TNNI3K: variants seen among roughly 807,000 people sequenced by gnomAD.
TNNI3K encodes the protein serine/threonine-protein kinase TNNI3K.
In TNNI3K, 140 loss-of-function variants were observed where a neutral mutation model predicts 114.5. The ratio of observed to expected loss-of-function variants is 1.22; its 90% CI spans 1.07 to 1.41. The LOEUF (loss-of-function observed/expected upper bound fraction) is 1.41, where lower values mean the gene tolerates loss of function less well. Among genes scored for constraint, TNNI3K ranks in the 40% most tolerant of loss-of-function variants. TNNI3K has a pLI of 0.00. For missense variants in TNNI3K, 1,125 were observed against 1,007.6 expected (o/e 1.12, Z -1.58); for synonymous variants, 347 against 347.5 (o/e 1.00, Z 0.02).
intron 11 of TNNI3K, among the ~76,000 whole-genome samples, chr1:74,363,353 C>G (rs1230241386): frequency 6.6e-6 from 1 of 152,002 alleles, no homozygotes; most frequent in African/African-American, 2.4e-5. Flanking sequence ...GAGATGCCTT[C>G]CAGAGCTGAG....
chr1:74,352,317 G>A (rs565796334), intron 9 of TNNI3K, among the ~76,000 whole-genome samples: 4 of 152,084 alleles, frequency 2.6e-5, no homozygotes, highest in African/African-American at 7.2e-5. Context: ...CTGCCTGATC[G>A]TTCCTCTGGA....
chr1:74,362,658 T>C (rs1310699390), intron 11 of TNNI3K, among the ~76,000 whole-genome samples: 3 of 152,152 alleles, frequency 2.0e-5, no homozygotes, highest in African/African-American at 7.2e-5. Flanking sequence ...GATATTAAAC[T>C]GTCTTTGTAA....
At chr1:74,515,460 C>A (rs1019745691) in intron 23 of TNNI3K, among the ~76,000 whole-genome samples, 1 of 152,070 alleles carries the variant, frequency 6.6e-6, no homozygotes, top group African/African-American at 2.4e-5. Context: ...TTTATCATGC[C>A]AATACATATA....
intron 5 of TNNI3K, among the ~76,000 whole-genome samples, chr1:74,280,985 A>G (rs1193579879): frequency 6.6e-6 from 1 of 152,062 alleles, no homozygotes. Context: ...GCTCAGCTAC[A>G]GTAAACTAAA....
At chr1:74,342,656 A>C (rs1660804970) in intron 7 of TNNI3K, among the ~76,000 whole-genome samples, 186 bp from the exon 8 acceptor site, 1 of 152,176 alleles carries the variant, frequency 6.6e-6, no homozygotes. Flanking sequence ...TTAATGTGGT[A>C]GTAGGCAATA....
chr1:74,478,291 C>A (rs1235402503), intron 21 of TNNI3K, among the ~76,000 whole-genome samples: 2 of 152,070 alleles, frequency 1.3e-5, no homozygotes, highest in Non-Finnish European at 2.9e-5. Flanking sequence ...ATAATTCACA[C>A]CAAAACTTAA....
intron 20 of TNNI3K, among the ~76,000 whole-genome samples, chr1:74,443,521 C>A (rs115509430): frequency 0.021 from 3,170 of 152,012 alleles, 113 homozygotes; most frequent in African/African-American, 0.071. Context: ...TAATAAATAG[C>A]CTATCAACAA....
In TNNI3K at chr1:74,463,839, C is replaced by T. The variant is rs538268663; in HGVS notation, c.2121+289C>T. ...TCTCAGCTGCAATTTTTATTAACTACGCGTGAGCCACACTTAGTCATTTTC... is the reference window on the plus strand; with the variant it reads ...TCTCAGCTGCAATTTTTATTAACTATGCGTGAGCCACACTTAGTCATTTTC... On this transcript the variant is annotated intron_variant, in intron 21 of 24. Coordinates refer to ENST00000326637, the MANE Select transcript of TNNI3K (RefSeq NM_015978.3). 2.6e-4 allele frequency among the ~76,000 whole-genome samples: 39 copies of T among 152,288 alleles called. 1 individual carries two copies. The South Asian group carries it at 7.1e-3, about 28-fold the overall frequency.
rs900099796 is a variant in TNNI3K, at chr1:74,339,766, A to C, written c.683-3076A>C. Among the ~76,000 whole-genome samples, 5 of 152,152 alleles carry C rather than the reference A, an allele frequency of 3.3e-5. No homozygotes were observed. The East Asian group carries it at 5.8e-4, about 18-fold the overall frequency. On this transcript the variant is annotated intron_variant, in intron 7 of 24. Coordinates refer to ENST00000326637, the MANE Select transcript of TNNI3K (RefSeq NM_015978.3). ...AAAAGGAGAAATATAATGCCCCCTA[A>C]ATGAGATTGAAAAGGTTAAAATATT...
Position 74,342,965 on chromosome 1 carries a change from A to G in TNNI3K, c.806A>G (p.Tyr269Cys). ...LEVQPHVVNI[Y>C]GDTPLHLACY... ...GTTCAACCTCATGTTGTTAATATCT[A>G]TGGAGATACCCCCTTACACCTGTGA... Residue 269 changes from tyrosine to cysteine, a missense_variant, in exon 8 of 25, where the codon TAT (tyrosine) becomes TGT (cysteine). Transcript: ENST00000326637. The G allele has an allele frequency of 1.9e-6, 3 of 1,613,882 alleles. No individual in the cohort carries two copies. Among genetic ancestry groups the G allele is most frequent in the South Asian group, 1.1e-5 (1 of 91,082 alleles).
intron 11 of TNNI3K, among the ~76,000 whole-genome samples, chr1:74,365,252 A>G (rs1662208320): frequency 1.3e-5 from 2 of 152,090 alleles, no homozygotes; most frequent in African/African-American, 4.8e-5. Context: ...AACAGATCAT[A>G]TCCTTTAACT....
intron 23 of TNNI3K, among the ~76,000 whole-genome samples, chr1:74,520,614 C>CAA (rs546325740): frequency 4.8e-5 from 7 of 147,144 alleles, no homozygotes; most frequent in African/African-American, 1.7e-4. Flanking sequence ...CTCACAACTT[C>CAA]AAAAAAAAAA....
intron 17 of TNNI3K, among the ~76,000 whole-genome samples, chr1:74,411,689 AAGAT>A (rs1169858701): frequency 3.3e-4 from 50 of 152,334 alleles, no homozygotes; most frequent in African/African-American, 1.2e-3. Flanking sequence ...AAAAGATAGT[AAGAT>A]AGATAAAGAA....
chr1:74,359,417 AT>A (rs542144231), intron 11 of TNNI3K, among the ~76,000 whole-genome samples: 4 of 151,926 alleles, frequency 2.6e-5, no homozygotes, highest in Non-Finnish European at 5.9e-5. Flanking sequence ...ATTTTAATAT[AT>A]TAGGATAATA....
chr1:74,513,702 A>G (rs939220863), intron 23 of TNNI3K, among the ~76,000 whole-genome samples: 2 of 152,226 alleles, frequency 1.3e-5, no homozygotes, highest in African/African-American at 4.8e-5. Context: ...TTGAAAAGCT[A>G]GATTGATGAG....
At chr1:74,256,493 G>C (rs1023432287) in intron 4 of TNNI3K, among the ~76,000 whole-genome samples, 1 of 151,632 alleles carries the variant, frequency 6.6e-6, no homozygotes, top group Non-Finnish European at 1.5e-5. Context: ...CTTGAATTGT[G>C]AGGGAACTTT....
chr1:74,415,962 T>C (rs924302247), intron 17 of TNNI3K, among the ~76,000 whole-genome samples: 1 of 152,172 alleles, frequency 6.6e-6, no homozygotes, highest in Non-Finnish European at 1.5e-5. Context: ...ATGAGGAGTT[T>C]TGTGGACACA....
intron 5 of TNNI3K, among the ~76,000 whole-genome samples, chr1:74,330,934 T>A (rs1181479378): frequency 1.3e-5 from 2 of 152,172 alleles, no homozygotes; most frequent in African/African-American, 4.8e-5. Flanking sequence ...TGGTAAGGTA[T>A]GTATATAAAT....
chr1:74,466,483 G>T (rs76575633), intron 21 of TNNI3K, among the ~76,000 whole-genome samples: 1 of 152,134 alleles, frequency 6.6e-6, no homozygotes. Flanking sequence ...AAAAAGAAAG[G>T]ATAAAAATCG....
Sources: allele counts gnomAD v4.1 joint callset (sites outside exome capture counted in the v4.1 genomes callset), GRCh38; gene constraint gnomAD v4.1.1; transcripts MANE v1.5; gene names NCBI Gene and HGNC (gene_info 2026-07-23, HGNC 2026-07-21).